Variants in PCDHGB1 observed in about 807,000 individuals in gnomAD.
The protein encoded by PCDHGB1 is protocadherin gamma subfamily B, 1.
PCDHGB1 carries 34 observed loss-of-function variants against 56.6 expected under a neutral mutation model. The observed-to-expected ratio is 0.60, with a 90% CI of 0.46 to 0.80. The LOEUF is 0.80. PCDHGB1 is among the 30% of genes least tolerant of loss of function. PCDHGB1 has a pLI of 0.00. For missense variants in PCDHGB1, 1,278 were observed against 1,204.6 expected (o/e 1.06, Z -0.90); for synonymous variants, 561 against 505.9 (o/e 1.11, Z -1.46).
At chr5:141,393,101 C>T (rs891971324) in intron 1 of PCDHGB1, 2 of 1,613,564 alleles carry the variant, frequency 1.2e-6, no homozygotes, top group Non-Finnish European at 1.7e-6. Flanking sequence ...AGGAGCTCTG[C>T]GCTCAGAGCC....
chr5:141,377,843 A>C (rs1774391445), intron 1 of PCDHGB1: 1 of 152,166 alleles, frequency 6.6e-6, no homozygotes, highest in Admixed American at 6.5e-5. Flanking sequence ...ATTATCTTCC[A>C]ATTAAAATTA....
At chr5:141,481,327 T>C (rs2099535776) in intron 1 of PCDHGB1, among the ~76,000 whole-genome samples, 1 of 152,244 alleles carries the variant, frequency 6.6e-6, no homozygotes, top group Non-Finnish European at 1.5e-5. Context: ...CACTAGCCCC[T>C]GGACAACTAT....
At chr5:141,419,663 G>A in intron 1 of PCDHGB1, 1 of 1,612,826 alleles carries the variant, frequency 6.2e-7, no homozygotes, top group Non-Finnish European at 8.5e-7. Flanking sequence ...GGGGCACAAT[G>A]CCTGGCTGTC....
At position 141,423,043 on chromosome 5, in the gene PCDHGB1, T is replaced by C. The variant is rs940921497; in HGVS notation, c.2409+70374T>C. 10 of 1,614,058 alleles carry C rather than the reference T, an allele frequency of 6.2e-6. No homozygotes were observed. The Admixed American group carries it at 1.5e-4, about 24-fold the overall frequency. ...AGATTCAGGCCAGAACGCCTGGCTG[T>C]CCTATCGCCTGCTTAAGGCCAGCGA... is the stretch of plus-strand genomic sequence containing the variant. On this transcript the variant is annotated intron_variant, in intron 1 of 3. Transcript: ENST00000523390.
chr5:141,420,488 A>C, intron 1 of PCDHGB1: 1 of 534,916 alleles, frequency 1.9e-6, no homozygotes, highest in East Asian at 3.8e-5. Context: ...CTACATGGGT[A>C]ATCTCCGGTG....
At chr5:141,375,022 T>G in intron 1 of PCDHGB1, 1 of 1,613,828 alleles carries the variant, frequency 6.2e-7, no homozygotes, top group Admixed American at 1.7e-5. Flanking sequence ...AGGACTCGAG[T>G]TTTTATGAGC....
intron 1 of PCDHGB1, among the ~76,000 whole-genome samples, chr5:141,454,796 ATTTTTTTTTTTTTT>A (rs61612330): frequency 5.2e-5 from 4 of 77,408 alleles, no homozygotes; most frequent in Non-Finnish European, 9.3e-5. Flanking sequence ...CATGGTTCTA[ATTTTTTTTTTTTTT>A]TTTTTTTTTT....
At chr5:141,398,867 A>G (rs375842913) in intron 1 of PCDHGB1, 18 of 1,613,862 alleles carry the variant, frequency 1.1e-5, no homozygotes, top group Non-Finnish European at 1.4e-5. Context: ...CGAGACGTGT[A>G]CAGAGTCAGC....
At chr5:141,366,266 G>T (rs1014933070) in intron 1 of PCDHGB1, 1 of 1,613,562 alleles carries the variant, frequency 6.2e-7, no homozygotes. Flanking sequence ...CGTGGTGGCC[G>T]TCGAAGACCA....
Position 141,511,285 on chromosome 5 carries a change from G to C in PCDHGB1, c.*112G>C. On this transcript the variant is annotated 3_prime_UTR_variant, in exon 4 of 4. Coordinates refer to ENST00000523390, the MANE Select transcript of PCDHGB1 (RefSeq NM_018922.3). Reference sequence around the variant, plus strand: ...GGGCTAACCCCCAGAATACTGGTAGGGGCCAAGGCCATGCTCCCCTTGGGA... The same window carrying C: ...GGGCTAACCCCCAGAATACTGGTAGCGGCCAAGGCCATGCTCCCCTTGGGA... 1 of 1,521,904 alleles carries C rather than the reference G, an allele frequency of 6.6e-7. No homozygotes were observed. The highest frequency in any genetic ancestry group is 8.8e-7 in the Non-Finnish European group (1 of 1,131,664). 94.3% of individuals were successfully genotyped at this position (1,521,904 alleles called of 1,614,324 possible).
rs755899945 is a variant in PCDHGB1, at chr5:141,361,809, T to A, written c.2409+9140T>A. Reference sequence around the variant, plus strand: ...TGTTAGTGGGCGACCTCAATGACAATGCGCCACGGGTGCTGTACCCCGCGC... The same window carrying A: ...TGTTAGTGGGCGACCTCAATGACAAAGCGCCACGGGTGCTGTACCCCGCGC... On this transcript the variant is annotated intron_variant, in intron 1 of 3. Coordinates refer to ENST00000523390, the MANE Select transcript of PCDHGB1 (RefSeq NM_018922.3). 10 of 1,612,970 alleles carry A rather than the reference T, an allele frequency of 6.2e-6. No homozygotes were observed. In the South Asian group the frequency reaches 9.9e-5, roughly 16 times the overall value.
chr5:141,362,094 A>T, intron 1 of PCDHGB1: 4 of 1,613,384 alleles, frequency 2.5e-6, no homozygotes, highest in Non-Finnish European at 3.4e-6. Flanking sequence ...GACAGCCGCC[A>T]CTCTCCGCTA....
chr5:141,467,715 G>C (rs904101145), intron 1 of PCDHGB1, among the ~76,000 whole-genome samples: 1 of 152,022 alleles, frequency 6.6e-6, no homozygotes, highest in Non-Finnish European at 1.5e-5. Flanking sequence ...AGGCTGGAGT[G>C]TAGTGGCACA....
Position 141,352,388 on chromosome 5 carries a change from C to A in PCDHGB1, c.2128C>A (p.Arg710Ser), listed in dbSNP as rs1021854619. Residue 710 changes from arginine (R) to serine (S), a missense_variant, in exon 1 of 4, where the codon CGC becomes AGC. Arg to Ser is a moderately radical substitution (Grantham distance 110, BLOSUM62 -1). Coordinates refer to ENST00000523390, the MANE Select transcript of PCDHGB1 (RefSeq NM_018922.3). ...LLAVILAIAL[R>S]LRRSSSLDTE... is the part of the protein sequence containing the mutation. ...CGCGGTGATTCTAGCGATCGCCCTGCGCCTGCGACGTTCCTCCAGCCTCGA... is the reference window on the plus strand; with the variant it reads ...CGCGGTGATTCTAGCGATCGCCCTGAGCCTGCGACGTTCCTCCAGCCTCGA... The A allele has an allele frequency of 6.6e-5, 106 of 1,613,940 alleles. No homozygotes were observed. Among genetic ancestry groups the A allele is most frequent in the Middle Eastern group, 1.6e-4 (1 of 6,084 alleles).
Position 141,432,668 on chromosome 5 carries a change from G to C in PCDHGB1, c.2410-62139G>C, listed in dbSNP as rs1202414814. 2.5e-6 allele frequency: 4 copies of C among 1,613,742 alleles called. No individual in the cohort carries two copies. The highest frequency in any genetic ancestry group is 2.2e-5 in the South Asian group (2 of 91,068). On this transcript the variant is annotated intron_variant, in intron 1 of 3. Coordinates refer to ENST00000523390, the MANE Select transcript of PCDHGB1 (RefSeq NM_018922.3). This position sits in a 1 kb window ranked among gnomAD's most constrained non-coding sequence, Gnocchi z 6.0. The stretch of plus-strand genomic sequence containing the variant: ...GGCGCGAGCCCTGCTGGACAGAGAC[G>C]CGCTCAAGCAGAGCCTCGTAGTGGC...
At chr5:141,428,606 A>G (rs1270096118) in intron 1 of PCDHGB1, 4 of 216,044 alleles carry the variant, frequency 1.9e-5, no homozygotes, top group Admixed American at 1.6e-4. Context: ...TTCACTGAAG[A>G]GAATAACAAG....
rs1468210173 is a variant in PCDHGB1 at position 141,512,170 on chromosome 5, A to T, written c.*997A>T. 1 of 152,720 alleles carries T rather than the reference A, an allele frequency of 6.5e-6. No homozygotes were observed. The highest frequency in any genetic ancestry group is 1.5e-5 in the Non-Finnish European group (1 of 68,120). The allele number at this position is 152,720 out of a possible 1,614,324, so 9.5% of individuals were successfully genotyped here. On this transcript the variant is annotated 3_prime_UTR_variant, in exon 4 of 4. Coordinates refer to ENST00000523390, the MANE Select transcript of PCDHGB1 (RefSeq NM_018922.3). ...TGGGCTGAGCTAACAGGACCAATGG[A>T]TTAAACTGGCATTTCAGTCCAAGGA...
At chr5:141,454,697 T>A (rs768850161) in intron 1 of PCDHGB1, among the ~76,000 whole-genome samples, 14 of 150,312 alleles carry the variant, frequency 9.3e-5, no homozygotes, top group African/African-American at 3.4e-4. Flanking sequence ...TGAGCCACCA[T>A]GCTCCACCTG....
chr5:141,418,785 T>C, intron 1 of PCDHGB1: 1 of 1,613,862 alleles, frequency 6.2e-7, no homozygotes, highest in African/African-American at 1.3e-5. Flanking sequence ...CCTTTGGATT[T>C]TGAAGAAGTA....
Sources: allele counts gnomAD v4.1 joint callset (sites outside exome capture counted in the v4.1 genomes callset), GRCh38; gene constraint gnomAD v4.1.1; non-coding constraint Gnocchi (gnomAD v3.1); transcripts MANE v1.5; gene names NCBI Gene and HGNC (gene_info 2026-07-23, HGNC 2026-07-21).